Variants in MACROD2 observed in about 807,000 individuals in gnomAD.
MACROD2 encodes the protein mono-ADP ribosylhydrolase 2, also known as ADP-ribose glycohydrolase MACROD2.
A neutral mutation model predicts 70.4 loss-of-function variants in MACROD2; 36 were observed. The ratio of observed to expected loss-of-function variants is 0.51; its 90% CI spans 0.39 to 0.68. The LOEUF (loss-of-function observed/expected upper bound fraction) is 0.68, where lower values mean the gene tolerates loss of function less well. Among genes scored for constraint, MACROD2 ranks in the 30% least tolerant of loss-of-function variants. The probability of loss-of-function intolerance (pLI) is 0.00; values close to 1 mark genes in which losing one functional copy is unlikely to be tolerated. For synonymous variants in MACROD2, 172 were observed against 178.8 expected, an observed-to-expected ratio of 0.96 and a Z score of 0.30; for missense variants, 496 against 538.4, an observed-to-expected ratio of 0.92 and a Z score of 0.78.
At chr20:14,868,292 A>G (rs936870907) in intron 5 of MACROD2, among the ~76,000 whole-genome samples, 3 of 150,710 alleles carry the variant, frequency 2.0e-5, no homozygotes, top group African/African-American at 2.4e-5. Context: ...GGTTCAAGGG[A>G]TCCTCCTGCC....
chr20:15,425,138 T>A (rs62195517), intron 6 of MACROD2, among the ~76,000 whole-genome samples: 25,082 of 152,200 alleles, frequency 0.16, 2,264 homozygotes, highest in Non-Finnish European at 0.2. Flanking sequence ...CCATCATTCT[T>A]GAGGGTATGA....
chr20:15,688,920 C>G (rs985587410), intron 8 of MACROD2, among the ~76,000 whole-genome samples: 1 of 152,204 alleles, frequency 6.6e-6, no homozygotes, highest in African/African-American at 2.4e-5. Context: ...TGACATTTAT[C>G]ATATGATGTG....
At chr20:14,955,189 TATATA>T (rs1285673189) in intron 5 of MACROD2, among the ~76,000 whole-genome samples, 3 of 118,694 alleles carry the variant, frequency 2.5e-5, no homozygotes, top group Non-Finnish European at 3.4e-5. Context: ...ATATATAATT[TATATA>T]ATATATCATT....
At chr20:15,299,118 G>T (rs980467334) in intron 6 of MACROD2, among the ~76,000 whole-genome samples, 2 of 152,124 alleles carry the variant, frequency 1.3e-5, no homozygotes, top group Non-Finnish European at 2.9e-5. Flanking sequence ...TTTGCTGTCT[G>T]GTTATTTTTC....
chr20:15,381,379 G>T (rs1018092851), intron 6 of MACROD2, among the ~76,000 whole-genome samples: 1 of 151,358 alleles, frequency 6.6e-6, no homozygotes, highest in Middle Eastern at 3.4e-3. Context: ...TGGGGGAGGG[G>T]ATACTGTGAA....
At chr20:15,096,900 C>A (rs1408371093) in intron 5 of MACROD2, among the ~76,000 whole-genome samples, 1 of 146,374 alleles carries the variant, frequency 6.8e-6, no homozygotes, top group Non-Finnish European at 1.5e-5. Context: ...AAACCTCCAT[C>A]TCCTGGGTTC....
chr20:14,735,419 G>A (rs1282128437), intron 5 of MACROD2, among the ~76,000 whole-genome samples: 2 of 152,166 alleles, frequency 1.3e-5, no homozygotes, highest in Non-Finnish European at 2.9e-5. Flanking sequence ...TTAGGGAAGT[G>A]CAAATGAAAA....
chr20:15,009,772 ATTT>A (rs79069561), intron 5 of MACROD2, among the ~76,000 whole-genome samples: 8 of 117,862 alleles, frequency 6.8e-5, no homozygotes, highest in East Asian at 2.5e-4. Flanking sequence ...CCACCTCCCT[ATTT>A]TTTTTTTTTT....
chr20:14,206,316 T>C (rs2148751427), intron 3 of MACROD2, among the ~76,000 whole-genome samples: 1 of 152,328 alleles, frequency 6.6e-6, no homozygotes, highest in East Asian at 1.9e-4. Flanking sequence ...GTGGAACTGA[T>C]GGGGCAGAAA....
intron 4 of MACROD2, among the ~76,000 whole-genome samples, chr20:14,668,904 A>T (rs1202013425): frequency 6.6e-6 from 1 of 152,068 alleles, no homozygotes; most frequent in African/African-American, 2.4e-5. Context: ...CTATTGAATA[A>T]TTTTTTCCTG....
chr20:15,147,119 G>GA (rs2076235735), intron 5 of MACROD2, among the ~76,000 whole-genome samples: 1 of 152,128 alleles, frequency 6.6e-6, no homozygotes, highest in Non-Finnish European at 1.5e-5. Context: ...AATCAGAGTA[G>GA]AAAAAAGTGA....
At chr20:15,531,634 C>G (rs891975344) in intron 8 of MACROD2, among the ~76,000 whole-genome samples, 2 of 152,090 alleles carry the variant, frequency 1.3e-5, no homozygotes, top group Admixed American at 1.3e-4. Flanking sequence ...TCACAATAAA[C>G]TCTAGATTGG....
At chr20:14,707,716 G>A (rs557200439) in intron 5 of MACROD2, among the ~76,000 whole-genome samples, 2 of 152,240 alleles carry the variant, frequency 1.3e-5, no homozygotes, top group South Asian at 2.1e-4. Flanking sequence ...AAATGTGATA[G>A]GGAAGGCGCC....
At chr20:14,168,068 C>G (rs987144745) in intron 3 of MACROD2, among the ~76,000 whole-genome samples, 2 of 152,074 alleles carry the variant, frequency 1.3e-5, no homozygotes, top group South Asian at 4.1e-4. Context: ...TCAGAGAGGA[C>G]ATTAATCTAT....
At chr20:15,439,796 C>T (rs1287802495) in intron 7 of MACROD2, among the ~76,000 whole-genome samples, 1 of 152,112 alleles carries the variant, frequency 6.6e-6, no homozygotes, top group Non-Finnish European at 1.5e-5. Context: ...AGACCACCTG[C>T]TTACACTCAG....
intron 8 of MACROD2, among the ~76,000 whole-genome samples, chr20:15,658,451 G>T (rs1343141406): frequency 1.3e-5 from 2 of 152,094 alleles, no homozygotes; most frequent in African/African-American, 4.8e-5. Flanking sequence ...TGTTTTCTGG[G>T]CCTCATTGTT....
At chr20:15,804,423 CCTTT>C (rs1338121855) in intron 8 of MACROD2, among the ~76,000 whole-genome samples, 3 of 152,172 alleles carry the variant, frequency 2.0e-5, no homozygotes, top group Non-Finnish European at 4.4e-5. Context: ...AAATCAATGA[CCTTT>C]CTAATTACAA....
At chr20:14,320,018 G>T (rs574992006) in intron 3 of MACROD2, among the ~76,000 whole-genome samples, 2 of 152,110 alleles carry the variant, frequency 1.3e-5, no homozygotes, top group Non-Finnish European at 2.9e-5. Flanking sequence ...TAAACCTAAG[G>T]TCATGTTAAT....
chr20:14,485,701 CAAAAAA>C (rs1276490399), intron 3 of MACROD2, among the ~76,000 whole-genome samples: 2 of 61,872 alleles, frequency 3.2e-5, no homozygotes, highest in Non-Finnish European at 5.4e-5. Flanking sequence ...GACTCCGTCT[CAAAAAA>C]AAAAAAAAAA....
Sources: gnomAD v4.1 joint callset for allele counts (sites outside exome capture counted in the v4.1 genomes callset) on GRCh38, gnomAD v4.1.1 for gene constraint, MANE v1.5 for transcripts, NCBI Gene and HGNC (gene_info 2026-07-23, HGNC 2026-07-21) for gene names.